Variants in RYR3 observed in about 807,000 individuals in gnomAD.
RYR3 encodes ryanodine receptor 3, also known as brain ryanodine receptor-calcium release channel.
Under a neutral mutation model 584.3 loss-of-function variants are expected in RYR3, and 207 were observed. The observed-to-expected ratio is 0.35, with a 90% CI of 0.32 to 0.40. The LOEUF is 0.40. Ranked by LOEUF, RYR3 falls within the 10% of genes least tolerant of loss-of-function variation. The probability of loss-of-function intolerance (pLI) is 1.00; values close to 1 mark genes in which losing one functional copy is unlikely to be tolerated. For missense variants in RYR3, 5,616 were observed against 6,089.2 expected, an observed-to-expected ratio of 0.92 and a Z score of 2.59; for synonymous variants, 2,416 against 2,248.5, an observed-to-expected ratio of 1.07 and a Z score of -2.11.
intron 38 of RYR3, among the ~76,000 whole-genome samples, chr15:33,677,574 A>C (rs2064269103): frequency 6.6e-6 from 1 of 152,212 alleles, no homozygotes; most frequent in Non-Finnish European, 1.5e-5. Flanking sequence ...CTGATGGATG[A>C]AACCCCTTGG....
chr15:33,810,553 C>T lies in RYR3; in HGVS notation c.10101C>T (p.Ile3367=), dbSNP rs2076470416. 2.5e-6 allele frequency: 4 copies of T among 1,614,020 alleles called. No homozygotes were observed. The highest frequency in any genetic ancestry group is 2.2e-5 in the East Asian group (1 of 44,874). Residue 3367 remains isoleucine (I), a synonymous_variant, in exon 71 of 104, where the codon ATC becomes ATT. Transcript: ENST00000634891. The part of the protein sequence containing the change: ...GDLYSIQTSL[I]VAALKKMLPI... ...TGTATTCCATCCAGACCTCCCTCAT[C>T]GTGGCTGCACTCAAGAAAATGCTGC...
In RYR3 at chr15:33,513,868, A is replaced by T. The variant is rs1266809764; in HGVS notation, c.279+10130A>T. 2.0e-5 allele frequency among the ~76,000 whole-genome samples: 3 copies of T among 152,234 alleles called. No individual in the cohort carries two copies. In the East Asian group the frequency reaches 5.8e-4, roughly 29 times the overall value. ...GTCTACCCGTGATGAAGGATTCATA[A>T]GTCATCAGGAAAATGGGAAAAACTG... On this transcript the variant is annotated intron_variant, in intron 3 of 103. Transcript: ENST00000634891.
At position 33,785,681 on chromosome 15, in the gene RYR3, G is replaced by T. The variant is rs756969948; in HGVS notation, c.9288G>T (p.Thr3096=). The part of the protein sequence containing the change: ...RERSILGMPD[T]VEDMCPDIPQ... ...AATCAGTTCTGGGGATGCCAGACAC[G>T]GTAGAAGACATGTGTCCTGACATCC... Residue 3096 remains threonine, a synonymous_variant, in exon 66 of 104, where the codon ACG becomes ACT. Coordinates refer to ENST00000634891, the MANE Select transcript of RYR3 (RefSeq NM_001036.6). 2 of 1,603,364 alleles carry T rather than the reference G, an allele frequency of 1.2e-6. No homozygotes were observed. The highest frequency in any genetic ancestry group is 1.7e-6 in the Non-Finnish European group (2 of 1,174,300).
chr15:33,725,973 C>CG (rs1555427564), intron 45 of RYR3, among the ~76,000 whole-genome samples: 337 of 23,076 alleles, frequency 0.015, 48 homozygotes, highest in Admixed American at 0.14. Flanking sequence ...CCATCCCCCC[C>CG]CCCAAAAAAA....
At chr15:33,766,525 A>G (rs2073090325) in intron 60 of RYR3, among the ~76,000 whole-genome samples, 1 of 152,216 alleles carries the variant, frequency 6.6e-6, no homozygotes, top group South Asian at 2.1e-4. Flanking sequence ...CAGATAATCC[A>G]ACAGAGGGCA....
chr15:33,718,314 C>A (rs1322662161), intron 43 of RYR3, among the ~76,000 whole-genome samples: 1 of 152,134 alleles, frequency 6.6e-6, no homozygotes, highest in Admixed American at 6.5e-5. Context: ...CCAGTCATTC[C>A]AAGTCTCTGC....
rs746039567 is a variant in RYR3 at position 33,865,182 on chromosome 15, G to C, written c.14569G>C (p.Ala4857Pro). The change falls in exon 104 of 104, where the codon GCC becomes CCC. Residue 4857 changes from alanine (A) to proline (P), a missense_variant. Ala to Pro is a conservative substitution (Grantham distance 27, BLOSUM62 -1). Coordinates refer to ENST00000634891, the MANE Select transcript of RYR3 (RefSeq NM_001036.6). ...AGAAAGGTGTTGGGATTTCTTCCCA[G>C]CCGGTGACTGCTTTCGTAAACAATA... ...YQERCWDFFP[A>P]GDCFRKQYED... 1.2e-6 allele frequency: 2 copies of C among 1,613,902 alleles called. No homozygotes were observed. Among genetic ancestry groups the C allele is most frequent in the East Asian group, 2.2e-5 (1 of 44,876 alleles).
Position 33,662,320 on chromosome 15 carries a change from A to T in RYR3, c.4790A>T (p.Tyr1597Phe), listed in dbSNP as rs1408366970. The T allele has an allele frequency of 6.2e-7, 1 of 1,611,236 alleles. No individual in the cohort carries two copies. The highest frequency in any genetic ancestry group is 8.5e-7 in the Non-Finnish European group (1 of 1,178,942). The change falls in exon 35 of 104, where the codon TAC becomes TTC. Residue 1597 changes from tyrosine (Y) to phenylalanine (F), a missense_variant. Physicochemically the swap from Tyr to Phe is conservative, Grantham distance 22 (BLOSUM62 3). Around this residue, in one of 9 missense-constraint regions of RYR3, gnomAD observed 753 missense variants for 741.0 expected, o/e 1.02. Coordinates refer to ENST00000634891, the MANE Select transcript of RYR3 (RefSeq NM_001036.6). Reference protein sequence around the residue: ...SQLFYAIDNKYLPGLLRSGFY... With the variant: ...SQLFYAIDNKFLPGLLRSGFY... ...CTCTTCTATGCCATTGACAACAAGT[A>T]CCTCCCCGGCCTCCTTCGATCTGGT...
intron 3 of RYR3, among the ~76,000 whole-genome samples, chr15:33,527,863 A>G (rs1331773847): frequency 6.6e-6 from 1 of 152,182 alleles, no homozygotes; most frequent in Non-Finnish European, 1.5e-5. Context: ...GTGATTAACA[A>G]AACCCTGGTG....
At chr15:33,534,518 A>AC (rs1555515856) in intron 5 of RYR3, among the ~76,000 whole-genome samples, 1 of 150,218 alleles carries the variant, frequency 6.7e-6, no homozygotes, top group Non-Finnish European at 1.5e-5. Flanking sequence ...GATTATTATT[A>AC]TTTTTTTTTT....
chr15:33,430,266 C>T (rs774678716), intron 1 of RYR3, among the ~76,000 whole-genome samples: 4 of 152,208 alleles, frequency 2.6e-5, no homozygotes, highest in East Asian at 1.9e-4. Context: ...AGGATCCGAA[C>T]TCCCTGATGC....
chr15:33,857,946 C>T, intron 99 of RYR3, 32 bp downstream of exon 99: 2 of 1,610,440 alleles, frequency 1.2e-6, no homozygotes, highest in Non-Finnish European at 1.7e-6. Flanking sequence ...GGCCAGCCCA[C>T]CCACTGCGGG....
At chr15:33,753,239 A>C (rs1350190501) in intron 57 of RYR3, among the ~76,000 whole-genome samples, 1 of 152,210 alleles carries the variant, frequency 6.6e-6, no homozygotes, top group Non-Finnish European at 1.5e-5. Flanking sequence ...TTGTTGTTTT[A>C]TATGATATCT....
chr15:33,601,532 A>C lies in RYR3; in HGVS notation c.1902A>C (p.Arg634=). 4 of 1,613,728 alleles carry C rather than the reference A, an allele frequency of 2.5e-6. No individual in the cohort carries two copies. Among genetic ancestry groups the C allele is most frequent in the Non-Finnish European group, 3.4e-6 (4 of 1,179,798 alleles). ...GGAGAAACCTACTCCTGCAGACACGACTGATTAACGATGTAACCAGGTAAG... is the reference window on the plus strand; with the variant it reads ...GGAGAAACCTACTCCTGCAGACACGCCTGATTAACGATGTAACCAGGTAAG... ...LPRRNLLLQT[R]LINDVTSIRP... The change falls in exon 17 of 104, where the codon CGA becomes CGC. Residue 634 remains arginine, a synonymous_variant. Coordinates refer to ENST00000634891, the MANE Select transcript of RYR3 (RefSeq NM_001036.6).
intron 38 of RYR3, among the ~76,000 whole-genome samples, chr15:33,689,103 C>T (rs893273028): frequency 2.6e-5 from 4 of 151,268 alleles, no homozygotes; most frequent in South Asian, 4.2e-4. Context: ...GAAACCATTC[C>T]CAGCAAACTA....
At chr15:33,524,001 G>C (rs900611789) in intron 3 of RYR3, among the ~76,000 whole-genome samples, 1 of 152,148 alleles carries the variant, frequency 6.6e-6, no homozygotes, top group Non-Finnish European at 1.5e-5. Flanking sequence ...GTCGTTTCCT[G>C]AGGATCCTGG....
Position 33,772,098 on chromosome 15 carries a change from C to G in RYR3, c.8995C>G (p.Pro2999Ala). 1 of 1,613,776 alleles carries G rather than the reference C, an allele frequency of 6.2e-7. No homozygotes were observed. The highest frequency in any genetic ancestry group is 2.2e-5 in the East Asian group (1 of 44,862). ...NINYTTVALL[P>A]ILTSIFEHVT... ...TAACTACACTACAGTGGCTCTGCTC[C>G]CCATCCTGACGTCCATCTTTGAGCA... The change falls in exon 63 of 104, where the codon CCC (proline) becomes GCC (alanine). Residue 2999 changes from proline (P) to alanine (A), a missense_variant. Physicochemically the swap from Pro to Ala is conservative, Grantham distance 27 (BLOSUM62 -1). Transcript: ENST00000634891.
chr15:33,581,364 C>T (rs2058581903), intron 13 of RYR3, 144 bp from the exon 14 acceptor site: 2 of 797,536 alleles, frequency 2.5e-6, no homozygotes, highest in Middle Eastern at 2.7e-4. Flanking sequence ...GGAAAAAAAA[C>T]AAACCCAACT....
At chr15:33,458,598 C>T (rs541073279) in intron 1 of RYR3, among the ~76,000 whole-genome samples, 11 of 152,308 alleles carry the variant, frequency 7.2e-5, no homozygotes, top group Admixed American at 4.6e-4. Context: ...TTAAACTTCT[C>T]AGTTCATTGT....
Sources: allele counts gnomAD v4.1 joint callset (sites outside exome capture counted in the v4.1 genomes callset), GRCh38; gene constraint gnomAD v4.1.1; regional missense constraint gnomAD v4.1.1; transcripts MANE v1.5; gene names NCBI Gene and HGNC (gene_info 2026-07-23, HGNC 2026-07-21).